The following TENM4 variants were observed in gnomAD, a reference collection of about 807,000 sequenced individuals.
TENM4 encodes the protein teneurin transmembrane protein 4.
In TENM4, 82 loss-of-function variants were observed where a neutral mutation model predicts 243.3. The observed-to-expected ratio is 0.34, with a 90% CI of 0.28 to 0.40. The LOEUF is 0.40. Ranked by LOEUF, TENM4 falls within the 10% of genes least tolerant of loss-of-function variation. TENM4 has a pLI of 1.00. For missense variants in TENM4, 3,138 were observed against 3,673.3 expected, an observed-to-expected ratio of 0.85 and a Z score of 3.77; for synonymous variants, 1,412 against 1,456.3, an observed-to-expected ratio of 0.97 and a Z score of 0.69.
chr11:78,684,710 C>T (rs1858623302), intron 29 of TENM4, among the ~76,000 whole-genome samples: 1 of 152,210 alleles, frequency 6.6e-6, no homozygotes. Context: ...TACCTAACCT[C>T]CGAGTGCTTC....
chr11:79,310,191 A>G (rs945849889), intron 1 of TENM4, among the ~76,000 whole-genome samples: 4 of 152,210 alleles, frequency 2.6e-5, no homozygotes, highest in Admixed American at 6.5e-5. Flanking sequence ...AACAGAGGCC[A>G]AATAAAATGA....
chr11:79,338,222 A>G (rs1565305640), intron 1 of TENM4, among the ~76,000 whole-genome samples: 1 of 152,238 alleles, frequency 6.6e-6, no homozygotes, highest in African/African-American at 2.4e-5. Flanking sequence ...TCCAACCACA[A>G]TAAAAACCAG....
chr11:78,686,534 A>T (rs768407013), intron 29 of TENM4, among the ~76,000 whole-genome samples: 1 of 140,304 alleles, frequency 7.1e-6, no homozygotes, highest in Non-Finnish European at 1.6e-5. Flanking sequence ...TGTCTGAAGT[A>T]TGATAGATGG....
At chr11:78,838,146 A>G (rs1858160796) in intron 12 of TENM4, among the ~76,000 whole-genome samples, 1 of 152,196 alleles carries the variant, frequency 6.6e-6, no homozygotes, top group Admixed American at 6.5e-5. Context: ...CATTATTTTA[A>G]TTTGTACTGC....
At chr11:78,815,417 T>C (rs904926577) in intron 12 of TENM4, among the ~76,000 whole-genome samples, 11 of 152,118 alleles carry the variant, frequency 7.2e-5, no homozygotes, top group African/African-American at 2.7e-4. Context: ...TCCTATTCCT[T>C]CTGCACTACT....
intron 15 of TENM4, among the ~76,000 whole-genome samples, chr11:78,787,866 G>A (rs1367515325): frequency 1.3e-5 from 2 of 152,192 alleles, no homozygotes; most frequent in Non-Finnish European, 2.9e-5. Flanking sequence ...CACAGGGCCC[G>A]ATTCACAAGC....
chr11:79,301,360 CGAATATCAAG>C (rs1856546865), intron 1 of TENM4, among the ~76,000 whole-genome samples: 2 of 152,118 alleles, frequency 1.3e-5, no homozygotes, highest in Non-Finnish European at 2.9e-5. Context: ...TTCAGGTTTG[CGAATATCAAG>C]ACCCTGGGTG....
At chr11:78,847,956 T>C (rs959515023) in intron 12 of TENM4, among the ~76,000 whole-genome samples, 3 of 152,138 alleles carry the variant, frequency 2.0e-5, no homozygotes, top group African/African-American at 4.8e-5. Flanking sequence ...AATAAAGAAA[T>C]AGCACAGGCC....
chr11:78,740,912 G>A (rs1855915362), intron 19 of TENM4, among the ~76,000 whole-genome samples: 1 of 152,248 alleles, frequency 6.6e-6, no homozygotes, highest in Non-Finnish European at 1.5e-5. Flanking sequence ...GCAAGCCAGA[G>A]CAGATGCAAG....
At chr11:78,664,388 C>G (rs1408650658) in intron 32 of TENM4, among the ~76,000 whole-genome samples, 1 of 152,052 alleles carries the variant, frequency 6.6e-6, no homozygotes. Flanking sequence ...GGCGTGCCAT[C>G]ATCCCTAGCT....
At position 78,737,381 on chromosome 11, in the gene TENM4, G is replaced by A. The variant is rs76109984; in HGVS notation, c.2876+1070C>T. ...CTATTCACATGGAGTGAGAGGTGGG[G>A]AGGGGGCACCCCATGCCAAGCTTGC... On this transcript the variant is annotated intron_variant, in intron 20 of 33. Transcript: ENST00000278550. Among the ~76,000 whole-genome samples, 602 of 152,316 alleles carry A rather than the reference G, an allele frequency of 4.0e-3. 2 individuals carry two copies. The highest frequency in any genetic ancestry group is 0.014 in the African/African-American group (569 of 41,576).
chr11:79,088,305 G>A (rs1860863770), intron 4 of TENM4, among the ~76,000 whole-genome samples: 1 of 152,138 alleles, frequency 6.6e-6, no homozygotes, highest in Non-Finnish European at 1.5e-5. Context: ...GTTTCTAATG[G>A]AAAGCTCCTT....
rs1297430914 is a variant in TENM4, at chr11:78,658,441, T to C, written c.7927A>G (p.Asn2643Asp). ...GLSGGRRTLENGVNVTVSQIN... is the reference protein window; with the variant it reads ...GLSGGRRTLEDGVNVTVSQIN... ...TGGGACACAGTGACGTTGACCCCAT[T>C]CTCCAGGGTTCGCCGCCCCCCACTG... The change falls in exon 34 of 34, where the codon AAT becomes GAT. Residue 2643 changes from asparagine (N) to aspartate (D), a missense_variant. Physicochemically the swap from Asn to Asp is conservative, Grantham distance 23 (BLOSUM62 1). Coordinates refer to ENST00000278550, the MANE Select transcript of TENM4 (RefSeq NM_001098816.3). The C allele has an allele frequency of 6.2e-7, 1 of 1,613,604 alleles. No individual in the cohort carries two copies. Among genetic ancestry groups the C allele is most frequent in the African/African-American group, 1.3e-5 (1 of 74,800 alleles).
At chr11:78,752,896 T>C (rs953224073) in intron 19 of TENM4, among the ~76,000 whole-genome samples, 3 of 152,212 alleles carry the variant, frequency 2.0e-5, no homozygotes, top group African/African-American at 7.2e-5. Context: ...GGAAACTCTT[T>C]TTAATTAACA....
chr11:78,748,575 G>A (rs942604547), intron 19 of TENM4, among the ~76,000 whole-genome samples: 5 of 152,198 alleles, frequency 3.3e-5, no homozygotes, highest in Non-Finnish European at 7.3e-5. Context: ...CAGCGGAGAA[G>A]AAGACAGGCT....
chr11:79,346,079 A>C (rs921927235), intron 1 of TENM4, among the ~76,000 whole-genome samples: 5 of 152,252 alleles, frequency 3.3e-5, no homozygotes, highest in Non-Finnish European at 7.3e-5. Context: ...GAAAAGCATA[A>C]GATGGCTGAA....
At chr11:78,874,134 T>C (rs1157683225) in intron 9 of TENM4, among the ~76,000 whole-genome samples, 1 of 152,090 alleles carries the variant, frequency 6.6e-6, no homozygotes, top group Non-Finnish European at 1.5e-5. Flanking sequence ...CCAGGCTTAG[T>C]ACCCAGTGGA....
intron 6 of TENM4, among the ~76,000 whole-genome samples, chr11:79,042,340 C>T (rs1442569251): frequency 1.3e-5 from 2 of 152,150 alleles, no homozygotes; most frequent in African/African-American, 2.4e-5. Context: ...TTTCTGTGTC[C>T]CCCACAAATT....
chr11:78,685,522 G>A (rs1858643992), intron 29 of TENM4, among the ~76,000 whole-genome samples: 1 of 152,210 alleles, frequency 6.6e-6, no homozygotes. Flanking sequence ...AAATTGGAAT[G>A]TGTCCACGTA....
Sources: allele counts gnomAD v4.1 joint callset (sites outside exome capture counted in the v4.1 genomes callset), GRCh38; gene constraint gnomAD v4.1.1; transcripts MANE v1.5; gene names NCBI Gene and HGNC (gene_info 2026-07-23, HGNC 2026-07-21).